CNTN4: variants seen among roughly 807,000 people sequenced by gnomAD.
CNTN4 encodes the protein contactin-4.
A neutral mutation model predicts 122.5 loss-of-function variants in CNTN4; 77 were observed. That is an observed-to-expected ratio of 0.63 (90% CI 0.52 to 0.76). The LOEUF (loss-of-function observed/expected upper bound fraction) is 0.76, where lower values mean the gene tolerates loss of function less well. CNTN4 is among the 30% of genes least tolerant of loss of function. CNTN4 has a pLI of 0.00. For missense variants in CNTN4, 1,256 were observed against 1,259.1 expected, an observed-to-expected ratio of 1.00 and a Z score of 0.04; for synonymous variants, 512 against 447.0, an observed-to-expected ratio of 1.15 and a Z score of -1.83.
At chr3:2,750,268 A>G (rs997814628) in intron 6 of CNTN4, among the ~76,000 whole-genome samples, 1 of 152,160 alleles carries the variant, frequency 6.6e-6, no homozygotes, top group African/African-American at 2.4e-5. Flanking sequence ...CCATGTTACA[A>G]TTTTCAAATC....
chr3:2,358,921 G>A (rs931669204), intron 3 of CNTN4, among the ~76,000 whole-genome samples: 1 of 152,102 alleles, frequency 6.6e-6, no homozygotes, highest in African/African-American at 2.4e-5. Context: ...AGGAGAATGA[G>A]GTTTTCTCTC....
chr3:2,641,634 A>G (rs1160316967), intron 4 of CNTN4, among the ~76,000 whole-genome samples: 1 of 152,178 alleles, frequency 6.6e-6, no homozygotes, highest in Admixed American at 6.5e-5. Flanking sequence ...ACCCTAGTCT[A>G]CATTCCTGGT....
intron 13 of CNTN4, among the ~76,000 whole-genome samples, chr3:2,964,957 G>A (rs1692150312): frequency 6.6e-6 from 1 of 152,116 alleles, no homozygotes; most frequent in Non-Finnish European, 1.5e-5. Flanking sequence ...CTACTCGAGG[G>A]GTTGAAGATA....
chr3:2,138,800 A>G (rs945366520), intron 2 of CNTN4, among the ~76,000 whole-genome samples: 1 of 152,060 alleles, frequency 6.6e-6, no homozygotes, highest in Admixed American at 6.6e-5. Context: ...CAGATTTTGG[A>G]ACTTCTCAGT....
intron 23 of CNTN4, among the ~76,000 whole-genome samples, chr3:3,048,322 T>G (rs1700888409): frequency 6.6e-6 from 1 of 152,170 alleles, no homozygotes; most frequent in South Asian, 2.1e-4. Flanking sequence ...TTACATTATA[T>G]TAGGTATTAT....
rs185517358 is a variant in CNTN4 at position 2,621,774 on chromosome 3, C to A, written c.55+50216C>A. 4.7e-3 allele frequency among the ~76,000 whole-genome samples: 719 copies of A among 152,096 alleles called. 5 individuals carry two copies. The highest frequency in any genetic ancestry group is 0.01 in the Middle Eastern group (3 of 294). On this transcript the variant is annotated intron_variant, in intron 4 of 24. Coordinates refer to ENST00000418658, the MANE Select transcript of CNTN4 (RefSeq NM_175607.3). ...GTTGTAAGCAGCATTTTTCAGTGGG[C>A]TGTGATATTAATTCCATTTCACAAA...
intron 12 of CNTN4, among the ~76,000 whole-genome samples, chr3:2,916,329 C>G (rs1488376346): frequency 6.6e-6 from 1 of 150,570 alleles, no homozygotes; most frequent in African/African-American, 2.4e-5. Context: ...CTCTGGTTTT[C>G]CTAGGCAGAG....
chr3:2,538,515 A>C (rs1300061149), intron 3 of CNTN4, among the ~76,000 whole-genome samples: 1 of 152,086 alleles, frequency 6.6e-6, no homozygotes, highest in Non-Finnish European at 1.5e-5. Context: ...TCCCAAATTA[A>C]AAAAAGTTAA....
intron 2 of CNTN4, among the ~76,000 whole-genome samples, chr3:2,150,510 C>A (rs1274317014): frequency 6.6e-6 from 1 of 152,106 alleles, no homozygotes; most frequent in African/African-American, 2.4e-5. Context: ...AAATCTATTT[C>A]TACGGGACAA....
At chr3:2,367,625 A>C (rs1202882699) in intron 3 of CNTN4, among the ~76,000 whole-genome samples, 1 of 151,998 alleles carries the variant, frequency 6.6e-6, no homozygotes. Flanking sequence ...CCTGGATTCA[A>C]GGTACATACC....
At chr3:2,606,437 G>A (rs999890290) in intron 4 of CNTN4, among the ~76,000 whole-genome samples, 1 of 152,044 alleles carries the variant, frequency 6.6e-6, no homozygotes, top group African/African-American at 2.4e-5. Context: ...AACCATTATG[G>A]CACACGTTTA....
intron 3 of CNTN4, among the ~76,000 whole-genome samples, chr3:2,375,238 G>A (rs760929030): frequency 2.6e-5 from 4 of 152,150 alleles, no homozygotes; most frequent in African/African-American, 7.2e-5. Context: ...TTTGCCTTGC[G>A]GAGGGTATCT....
At chr3:2,677,831 T>A (rs1377787827) in intron 4 of CNTN4, among the ~76,000 whole-genome samples, 1 of 152,142 alleles carries the variant, frequency 6.6e-6, no homozygotes, top group South Asian at 2.1e-4. Flanking sequence ...ATGCATCTTA[T>A]CATGCACAAG....
chr3:2,194,383 C>T (rs1367280144), intron 2 of CNTN4, among the ~76,000 whole-genome samples: 2 of 152,008 alleles, frequency 1.3e-5, no homozygotes, highest in African/African-American at 4.8e-5. Flanking sequence ...ATCACTTGAG[C>T]CTGAGAGGTT....
At chr3:2,265,051 C>T (rs1338657550) in intron 2 of CNTN4, among the ~76,000 whole-genome samples, 1 of 152,022 alleles carries the variant, frequency 6.6e-6, no homozygotes, top group South Asian at 2.1e-4. Context: ...TCCATTGTAT[C>T]ATTCTTATGC....
Position 2,593,344 on chromosome 3 carries a change from A to C in CNTN4, c.55+21786A>C, listed in dbSNP as rs570469290. Among the ~76,000 whole-genome samples the C allele has an allele frequency of 4.8e-4, 73 of 152,318 alleles. No individual in the cohort carries two copies. The South Asian group carries it at 0.015, about 30-fold the overall frequency. On this transcript the variant is annotated intron_variant, in intron 4 of 24. Coordinates refer to ENST00000418658, the MANE Select transcript of CNTN4 (RefSeq NM_175607.3). ...TTGTTCATTCAGCACCTACTAAATGAATCTACCTCTGTTAACCTTCGCAAT... is the reference window on the plus strand; with the variant it reads ...TTGTTCATTCAGCACCTACTAAATGCATCTACCTCTGTTAACCTTCGCAAT...
intron 4 of CNTN4, among the ~76,000 whole-genome samples, chr3:2,617,698 G>T (rs2081825394): frequency 6.6e-6 from 1 of 151,968 alleles, no homozygotes; most frequent in Non-Finnish European, 1.5e-5. Context: ...TGGGATTACA[G>T]GTGTGAGCCA....
chr3:2,959,988 G>C (rs1280984249), intron 13 of CNTN4, among the ~76,000 whole-genome samples: 1 of 152,182 alleles, frequency 6.6e-6, no homozygotes, highest in East Asian at 1.9e-4. Context: ...AAACACTGCA[G>C]TTCTATCTTC....
chr3:2,117,918 A>G (rs1156920334), intron 2 of CNTN4, among the ~76,000 whole-genome samples: 6 of 152,138 alleles, frequency 3.9e-5, no homozygotes, highest in Non-Finnish European at 5.9e-5. Context: ...CTCAACTTAC[A>G]TATGTATCAT....
Sources: gnomAD v4.1 joint callset for allele counts (sites outside exome capture counted in the v4.1 genomes callset) on GRCh38, gnomAD v4.1.1 for gene constraint, MANE v1.5 for transcripts, NCBI Gene and HGNC (gene_info 2026-07-23, HGNC 2026-07-21) for gene names.